The following KCNH5 variants were observed in gnomAD, a reference collection of about 807,000 sequenced individuals.
The protein encoded by KCNH5 is voltage-gated delayed rectifier potassium channel KCNH5.
A neutral mutation model predicts 96.1 loss-of-function variants in KCNH5; 46 were observed. That is an observed-to-expected ratio of 0.48 (90% confidence interval 0.38 to 0.61). The LOEUF (loss-of-function observed/expected upper bound fraction) is 0.61, where lower values mean the gene tolerates loss of function less well. Ranked by LOEUF, KCNH5 falls within the 20% of genes least tolerant of loss-of-function variation. The pLI, the probability that KCNH5 is intolerant of heterozygous loss-of-function variation, is 0.00. For missense variants in KCNH5, 907 were observed against 1,225.8 expected (o/e 0.74, Z 3.88); for synonymous variants, 439 against 449.8 (o/e 0.98, Z 0.30).
rs777830277 is a variant in KCNH5, at chr14:62,779,789, T to C, written c.1958A>G (p.Tyr653Cys). 3 of 1,614,040 alleles carry C rather than the reference T, an allele frequency of 1.9e-6. No homozygotes were observed. The highest frequency in any genetic ancestry group is 1.7e-5 in the Admixed American group (1 of 60,008). ...REALLKVLDF[Y>C]TAFANSFSRN... The stretch of plus-strand genomic sequence containing the variant: ...TGAGAAGGAGTTTGCAAAAGCTGTA[T>C]AAAAGTCCAGGACTTTGAGCAAGGC... The change falls in exon 10 of 11, where the codon TAT becomes TGT. Residue 653 changes from tyrosine (Y) to cysteine (C), a missense_variant. Tyr to Cys is a radical substitution (Grantham distance 194, BLOSUM62 -2). Transcript: ENST00000322893.
At chr14:62,846,404 G>C (rs1351947806) in intron 8 of KCNH5, among the ~76,000 whole-genome samples, 3 of 151,854 alleles carry the variant, frequency 2.0e-5, no homozygotes, top group Non-Finnish European at 4.4e-5. Context: ...ACACTTTTTA[G>C]CAAAATCTAT....
At chr14:62,957,136 A>C (rs1425396299) in intron 6 of KCNH5, among the ~76,000 whole-genome samples, 1 of 152,232 alleles carries the variant, frequency 6.6e-6, no homozygotes, top group Non-Finnish European at 1.5e-5. Flanking sequence ...AGGCCATAGT[A>C]GCACAAGGAA....
At chr14:62,999,607 G>A (rs549316110) in intron 4 of KCNH5, among the ~76,000 whole-genome samples, 44 of 149,380 alleles carry the variant, frequency 2.9e-4, no homozygotes, top group South Asian at 1.7e-3. Flanking sequence ...GTAAACTATC[G>A]CAAGGACAAA....
chr14:62,725,681 G>C (rs1166512212), intron 10 of KCNH5, among the ~76,000 whole-genome samples: 2 of 152,176 alleles, frequency 1.3e-5, no homozygotes, highest in Non-Finnish European at 2.9e-5. Context: ...GCAGGGATAG[G>C]TCATGTCTAT....
At chr14:63,014,362 G>C (rs1891285155) in intron 2 of KCNH5, among the ~76,000 whole-genome samples, 1 of 152,138 alleles carries the variant, frequency 6.6e-6, no homozygotes, top group African/African-American at 2.4e-5. Context: ...ACACTGTCTT[G>C]TGTCCTGTTG....
intron 2 of KCNH5, among the ~76,000 whole-genome samples, chr14:63,015,263 C>T (rs1390194947): frequency 6.6e-6 from 1 of 152,052 alleles, no homozygotes; most frequent in Non-Finnish European, 1.5e-5. Context: ...ACTTCAGAAT[C>T]ACCTACTGAT....
At chr14:62,862,102 T>C (rs551820064) in intron 7 of KCNH5, among the ~76,000 whole-genome samples, 2 of 152,310 alleles carry the variant, frequency 1.3e-5, no homozygotes, top group African/African-American at 2.4e-5. Context: ...AGCACCAGCA[T>C]GTAAAAGAAG....
At chr14:62,913,463 T>A (rs1306018639) in intron 7 of KCNH5, among the ~76,000 whole-genome samples, 1 of 149,020 alleles carries the variant, frequency 6.7e-6, no homozygotes, top group Non-Finnish European at 1.5e-5. Flanking sequence ...CCTGACTTCA[T>A]GATCCACCTG....
At chr14:62,809,727 C>T (rs140115752) in intron 8 of KCNH5, among the ~76,000 whole-genome samples, 4 of 152,092 alleles carry the variant, frequency 2.6e-5, no homozygotes, top group East Asian at 3.9e-4. Context: ...TCAGTCTTAC[C>T]GGAATTTGTC....
rs146505190 is a variant in KCNH5 at position 62,740,214 on chromosome 14, C to T, written c.2020-31759G>A. Among the ~76,000 whole-genome samples the T allele has an allele frequency of 4.9e-4, 74 of 152,230 alleles. No homozygotes were observed. The East Asian group carries it at 0.011, about 22-fold the overall frequency. On this transcript the variant is annotated intron_variant, in intron 10 of 10. Transcript: ENST00000322893. ...TAAACAATCATGTGAACACAATATA[C>T]GGATGATGTGTATGTGGGTATTTGT...
intron 7 of KCNH5, among the ~76,000 whole-genome samples, chr14:62,886,850 T>C (rs187361430): frequency 1.3e-5 from 2 of 152,316 alleles, no homozygotes; most frequent in East Asian, 3.9e-4. Flanking sequence ...AATACCAGAA[T>C]AGTTAAGACT....
Position 62,707,587 on chromosome 14 carries a change from G to A in KCNH5, c.2888C>T (p.Pro963Leu). ...PKSQMPLQVPPQIPCQDIFSV... is the reference protein window; with the variant it reads ...PKSQMPLQVPLQIPCQDIFSV... ...AAAAATATCCTGACATGGTATCTGGGGGGGTACTTGGAGTGGCATTTGGGA... is the reference window on the plus strand; with the variant it reads ...AAAAATATCCTGACATGGTATCTGGAGGGGTACTTGGAGTGGCATTTGGGA... The change falls in exon 11 of 11, where the codon CCC becomes CTC. Residue 963 changes from proline to leucine, a missense_variant. Transcript: ENST00000322893. 6.5e-7 allele frequency: 1 copy of A among 1,531,652 alleles called. No homozygotes were observed. The highest frequency in any genetic ancestry group is 8.8e-7 in the Non-Finnish European group (1 of 1,137,728). 94.9% of individuals were successfully genotyped at this position (1,531,652 alleles called of 1,614,324 possible).
At chr14:62,872,567 C>A (rs1462310698) in intron 7 of KCNH5, among the ~76,000 whole-genome samples, 2 of 152,104 alleles carry the variant, frequency 1.3e-5, no homozygotes, top group Non-Finnish European at 2.9e-5. Context: ...GTGGCATGTG[C>A]CTGTACTCCC....
intron 1 of KCNH5, among the ~76,000 whole-genome samples, chr14:63,024,241 T>C (rs1295547494): frequency 1.3e-5 from 2 of 150,300 alleles, no homozygotes; most frequent in Admixed American, 6.6e-5. Flanking sequence ...TTGAGACAAA[T>C]GAAAACAGAA....
intron 9 of KCNH5, among the ~76,000 whole-genome samples, chr14:62,800,088 A>C (rs1360465945): frequency 6.6e-6 from 1 of 151,788 alleles, no homozygotes; most frequent in Non-Finnish European, 1.5e-5. Context: ...TTTGTATGTT[A>C]AACAAACAAA....
At chr14:62,847,041 C>G (rs1244729260) in intron 8 of KCNH5, among the ~76,000 whole-genome samples, 5 of 149,082 alleles carry the variant, frequency 3.4e-5, no homozygotes. Context: ...ACCTCGTGAT[C>G]CGCCCACCTC....
intron 1 of KCNH5, among the ~76,000 whole-genome samples, 177 bp downstream of exon 1, chr14:63,044,937 C>T (rs1260948648): frequency 5.9e-5 from 9 of 152,132 alleles, no homozygotes; most frequent in Non-Finnish European, 1.3e-4. Context: ...TAACTTTCCC[C>T]CACCATCTCA....
chr14:62,825,709 CTCTT>C (rs1399160816), intron 8 of KCNH5, among the ~76,000 whole-genome samples: 4 of 152,100 alleles, frequency 2.6e-5, no homozygotes, highest in South Asian at 2.1e-4. Flanking sequence ...GGAAAGGTTT[CTCTT>C]TCTTTCTTCA....
In KCNH5 at chr14:62,724,613, T is replaced by G. The variant is rs573738897; in HGVS notation, c.2020-16158A>C. 7.9e-5 allele frequency among the ~76,000 whole-genome samples: 12 copies of G among 152,294 alleles called. 1 individual carries two copies. In the South Asian group the frequency reaches 2.3e-3, roughly 29 times the overall value. ...ACATGAGCTGCTTTTGTTTGTGTTT[T>G]AATTCTGCTTATTCTGGTGGCATGC... On this transcript the variant is annotated intron_variant, in intron 10 of 10. Coordinates refer to ENST00000322893, the MANE Select transcript of KCNH5 (RefSeq NM_139318.5).
Sources: allele counts gnomAD v4.1 joint callset (sites outside exome capture counted in the v4.1 genomes callset), GRCh38; gene constraint gnomAD v4.1.1; transcripts MANE v1.5; gene names NCBI Gene and HGNC (gene_info 2026-07-23, HGNC 2026-07-21).